Variants in AUTS2 observed in about 807,000 individuals in gnomAD.
The protein encoded by AUTS2 is autism susceptibility gene 2 protein.
Under a neutral mutation model 112.4 loss-of-function variants are expected in AUTS2, and 17 were observed. That is an observed-to-expected ratio of 0.15 (90% CI 0.10 to 0.23). AUTS2 has a LOEUF of 0.23. Among genes scored for constraint, AUTS2 ranks in the 10% least tolerant of loss-of-function variants. The probability of loss-of-function intolerance (pLI) is 1.00; values close to 1 mark genes in which losing one functional copy is unlikely to be tolerated. For missense variants in AUTS2, 1,510 were observed against 1,701.6 expected, an observed-to-expected ratio of 0.89 and a Z score of 1.98; for synonymous variants, 751 against 702.7, an observed-to-expected ratio of 1.07 and a Z score of -1.09.
intron 2 of AUTS2, among the ~76,000 whole-genome samples, chr7:69,984,014 G>A (rs531359509): frequency 8.6e-5 from 13 of 152,034 alleles, no homozygotes; most frequent in Non-Finnish European, 1.8e-4. Context: ...TTTTTATGCA[G>A]GAATATGTGG....
At chr7:70,445,991 A>T (rs1289026661) in intron 5 of AUTS2, among the ~76,000 whole-genome samples, 1 of 152,112 alleles carries the variant, frequency 6.6e-6, no homozygotes, top group Admixed American at 6.5e-5. Context: ...CATGAACCCC[A>T]TATGGTCCCT....
chr7:70,697,413 A>G (rs1809177574), intron 5 of AUTS2, among the ~76,000 whole-genome samples: 1 of 152,300 alleles, frequency 6.6e-6, no homozygotes, highest in Admixed American at 6.5e-5. Context: ...GTCTTTCTAT[A>G]TCACTTGCAT....
chr7:70,140,727 A>AT (rs1017019395), intron 4 of AUTS2, among the ~76,000 whole-genome samples: 2 of 152,208 alleles, frequency 1.3e-5, no homozygotes, highest in African/African-American at 2.4e-5. Flanking sequence ...ATTTTTGGCC[A>AT]TTATATATTG....
At chr7:69,725,179 G>A (rs1786446752) in intron 1 of AUTS2, among the ~76,000 whole-genome samples, 1 of 152,150 alleles carries the variant, frequency 6.6e-6, no homozygotes, top group African/African-American at 2.4e-5. Context: ...AAAGGAGGGA[G>A]AGTATTGGTA....
At chr7:70,444,112 T>C (rs1448711619) in intron 5 of AUTS2, among the ~76,000 whole-genome samples, 1 of 152,092 alleles carries the variant, frequency 6.6e-6, no homozygotes, top group Non-Finnish European at 1.5e-5. Flanking sequence ...GGGGAGGTGA[T>C]GGCTATCAGC....
intron 5 of AUTS2, among the ~76,000 whole-genome samples, chr7:70,499,657 T>C (rs942068779): frequency 1.3e-5 from 2 of 152,204 alleles, no homozygotes; most frequent in African/African-American, 4.8e-5. Context: ...TTAGTATTCT[T>C]TGGACAGGAG....
intron 2 of AUTS2, among the ~76,000 whole-genome samples, chr7:69,947,731 C>T (rs144442946): frequency 2.1e-3 from 326 of 152,192 alleles, no homozygotes; most frequent in African/African-American, 7.4e-3. Flanking sequence ...AGCTTGGTTG[C>T]CTTGCTCCAC....
Position 70,317,916 on chromosome 7 carries a change from A to C in AUTS2, c.661-117836A>C, listed in dbSNP as rs1263226064. ...AGGTTATTAGAGCTTGTGAATCATCAAGGTTGAACCATAATCAATTAACAA... is the reference window on the plus strand; with the variant it reads ...AGGTTATTAGAGCTTGTGAATCATCCAGGTTGAACCATAATCAATTAACAA... On this transcript the variant is annotated intron_variant, in intron 4 of 18. Coordinates refer to ENST00000342771, the MANE Select transcript of AUTS2 (RefSeq NM_015570.4). Among the ~76,000 whole-genome samples the C allele has an allele frequency of 2.6e-5, 4 of 152,178 alleles. No homozygotes were observed. In the East Asian group the frequency reaches 5.8e-4, roughly 22 times the overall value.
chr7:70,708,862 A>C (rs1398233696), intron 6 of AUTS2, among the ~76,000 whole-genome samples: 2 of 151,796 alleles, frequency 1.3e-5, no homozygotes, highest in Non-Finnish European at 2.9e-5. Flanking sequence ...TACATCACCT[A>C]TCAATACAGT....
chr7:70,659,902 A>G (rs1806979774), intron 5 of AUTS2, among the ~76,000 whole-genome samples: 1 of 151,938 alleles, frequency 6.6e-6, no homozygotes, highest in Non-Finnish European at 1.5e-5. Flanking sequence ...CTGGCTGGGC[A>G]TGGTGGCTCA....
rs1403372549 is a variant in AUTS2 at position 69,669,286 on chromosome 7, AT to A, written c.309+69325del. Among the ~76,000 whole-genome samples the A allele has an allele frequency of 2.7e-4, 41 of 152,104 alleles. 1 individual carries two copies. The highest frequency in any genetic ancestry group is 4.9e-4 in the Non-Finnish European group (33 of 68,020). Reference sequence around the variant, plus strand: ...TGGGGACAAATAAAAATAATAATGTATATCTACTCCCATGAGTTAAGATTTT... The same window carrying A: ...TGGGGACAAATAAAAATAATAATGTAATCTACTCCCATGAGTTAAGATTTT... On this transcript the variant is annotated intron_variant, in intron 1 of 18. Coordinates refer to ENST00000342771, the MANE Select transcript of AUTS2 (RefSeq NM_015570.4).
intron 1 of AUTS2, among the ~76,000 whole-genome samples, chr7:69,887,261 A>G (rs1194357894): frequency 6.6e-6 from 1 of 151,954 alleles, no homozygotes; most frequent in African/African-American, 2.4e-5. Flanking sequence ...TAAAAAATAC[A>G]AAAAATTAGC....
intron 1 of AUTS2, among the ~76,000 whole-genome samples, chr7:69,627,882 A>G (rs1457056850): frequency 1.3e-5 from 2 of 152,234 alleles, no homozygotes; most frequent in Non-Finnish European, 2.9e-5. Flanking sequence ...TGTGAAGTGC[A>G]TATAACAGTT....
intron 1 of AUTS2, among the ~76,000 whole-genome samples, chr7:69,754,917 G>A (rs534203846): frequency 3.0e-4 from 46 of 152,270 alleles, no homozygotes; most frequent in South Asian, 2.7e-3. Context: ...CTTTCTGTTC[G>A]CATTACACCA....
intron 5 of AUTS2, among the ~76,000 whole-genome samples, chr7:70,489,475 C>A (rs1379537682): frequency 2.0e-5 from 3 of 152,096 alleles, no homozygotes; most frequent in African/African-American, 7.2e-5. Flanking sequence ...CTTCAGTAAA[C>A]CCCCCCAGAA....
intron 4 of AUTS2, among the ~76,000 whole-genome samples, chr7:70,234,879 C>G (rs1483984939): frequency 2.6e-5 from 4 of 152,158 alleles, no homozygotes; most frequent in Non-Finnish European, 5.9e-5. Flanking sequence ...GGAAGCTGCT[C>G]ACCGTCCTAT....
intron 2 of AUTS2, among the ~76,000 whole-genome samples, chr7:69,953,516 GT>G (rs1443376618): frequency 6.6e-6 from 1 of 152,128 alleles, no homozygotes; most frequent in Non-Finnish European, 1.5e-5. Flanking sequence ...GAAGGTTTGT[GT>G]TTTCATTCTG....
chr7:70,163,317 C>A (rs949328346), intron 4 of AUTS2, among the ~76,000 whole-genome samples: 13 of 101,772 alleles, frequency 1.3e-4, no homozygotes, highest in African/African-American at 4.9e-4. Context: ...CACATTCATA[C>A]CAAAGATGAG....
chr7:69,741,320 C>G (rs1315156932), intron 1 of AUTS2, among the ~76,000 whole-genome samples: 1 of 152,122 alleles, frequency 6.6e-6, no homozygotes, highest in Non-Finnish European at 1.5e-5. Context: ...TCAACTCCAC[C>G]CCACCTCGAA....
Sources: allele counts gnomAD v4.1 joint callset (sites outside exome capture counted in the v4.1 genomes callset), GRCh38; gene constraint gnomAD v4.1.1; transcripts MANE v1.5; gene names NCBI Gene and HGNC (gene_info 2026-07-23, HGNC 2026-07-21).